FLACC1: variants seen among roughly 807,000 people sequenced by gnomAD.
FLACC1 encodes flagellum-associated coiled-coil domain-containing protein 1.
FLACC1 carries 66 observed loss-of-function variants against 62.8 expected under a neutral mutation model. That is an observed-to-expected ratio of 1.05 (90% CI 0.86 to 1.29). The LOEUF (loss-of-function observed/expected upper bound fraction) is 1.29, where lower values mean the gene tolerates loss of function less well. FLACC1 is among the 50% of genes most tolerant of loss of function. The pLI is 0.00. For synonymous variants in FLACC1, 156 were observed against 161.0 expected (o/e 0.97, Z 0.24); for missense variants, 452 against 489.1 (o/e 0.92, Z 0.71).
intron 7 of FLACC1, among the ~76,000 whole-genome samples, chr2:201,335,101 C>T (rs6757783): frequency 0.63 from 95,093 of 151,942 alleles, 30,292 homozygotes; most frequent in South Asian, 0.79. Flanking sequence ...TAGTCTCTTA[C>T]GATCCTTTGT....
intron 7 of FLACC1, among the ~76,000 whole-genome samples, chr2:201,331,100 T>C (rs912974886): frequency 4.6e-5 from 7 of 151,866 alleles, no homozygotes; most frequent in Non-Finnish European, 1.0e-4. Context: ...TCCCAAGTAG[T>C]TGGGAACACA....
chr2:201,302,894 C>T (rs1397828196), intron 11 of FLACC1, among the ~76,000 whole-genome samples: 5 of 152,196 alleles, frequency 3.3e-5, no homozygotes, highest in Admixed American at 1.3e-4. Flanking sequence ...AGAACAAAGA[C>T]ACAACATACC....
At chr2:201,353,629 C>G (rs1310946319) in intron 1 of FLACC1, among the ~76,000 whole-genome samples, 2 of 151,910 alleles carry the variant, frequency 1.3e-5, no homozygotes, top group South Asian at 4.2e-4. Context: ...ACTCTGTCAC[C>G]CAGGCTGGAG....
chr2:201,327,635 G>A (rs1320445620), intron 9 of FLACC1, among the ~76,000 whole-genome samples: 1 of 152,114 alleles, frequency 6.6e-6, no homozygotes, highest in Non-Finnish European at 1.5e-5. Context: ...TGCAAGAATG[G>A]TCATTATTAA....
chr2:201,305,522 G>A (rs573985314), intron 11 of FLACC1, among the ~76,000 whole-genome samples: 1 of 152,352 alleles, frequency 6.6e-6, no homozygotes, highest in East Asian at 1.9e-4. Flanking sequence ...GGAAGACAGT[G>A]TGGCGATTCC....
chr2:201,330,043 T>A (rs1436656159), intron 9 of FLACC1, among the ~76,000 whole-genome samples: 1 of 152,112 alleles, frequency 6.6e-6, no homozygotes, highest in East Asian at 1.9e-4. Context: ...TAGGATAATA[T>A]CAAGTCATTA....
Position 201,288,355 on chromosome 2 carries a change from T to G in FLACC1, c.*300A>C, listed in dbSNP as rs1035142. The G allele has an allele frequency of 0.56, 131,914 of 236,020 alleles. 38,242 individuals carry two copies. Among genetic ancestry groups the G allele is most frequent in the East Asian group, 0.67 (7,862 of 11,776 alleles). The allele number at this position is 236,020 out of a possible 1,614,324, so 14.6% of individuals were successfully genotyped here. A position where few individuals can be genotyped will look rare whatever the true frequency, so the allele number is the denominator to read the frequency against. ...TCCCAAATATAGTAAAAGTTCAATA[T>G]GAAGAAGGCCTTCAAATCAGTTTCT... is the stretch of plus-strand genomic sequence containing the variant. On this transcript the variant is annotated 3_prime_UTR_variant, in exon 15 of 15. Coordinates refer to ENST00000392257, the MANE Select transcript of FLACC1 (RefSeq NM_001127391.3).
At chr2:201,303,415 C>T (rs552866880) in intron 11 of FLACC1, among the ~76,000 whole-genome samples, 27 of 152,172 alleles carry the variant, frequency 1.8e-4, no homozygotes, top group Admixed American at 3.3e-4. Flanking sequence ...CAATAACAGG[C>T]TCTGAAATTG....
At chr2:201,316,067 G>C (rs1332716542) in intron 9 of FLACC1, among the ~76,000 whole-genome samples, 1 of 152,028 alleles carries the variant, frequency 6.6e-6, no homozygotes, top group Non-Finnish European at 1.5e-5. Flanking sequence ...GTGCAAAGAG[G>C]AAAGCTAAAA....
At chr2:201,353,314 G>A (rs962282904) in intron 1 of FLACC1, among the ~76,000 whole-genome samples, 1 of 152,206 alleles carries the variant, frequency 6.6e-6, no homozygotes, top group African/African-American at 2.4e-5. Flanking sequence ...GGAAGAATGA[G>A]TGGAATGGGG....
intron 9 of FLACC1, among the ~76,000 whole-genome samples, chr2:201,314,531 G>A (rs890031111): frequency 2.6e-5 from 4 of 152,168 alleles, no homozygotes; most frequent in African/African-American, 9.6e-5. Flanking sequence ...CCTCCAAGGA[G>A]TCTGGGATGT....
At chr2:201,289,009 A>G (rs986815409) in intron 14 of FLACC1, among the ~76,000 whole-genome samples, 2 of 152,204 alleles carry the variant, frequency 1.3e-5, no homozygotes, top group African/African-American at 4.8e-5. Context: ...TCTTCTATTA[A>G]AGTATTGACC....
rs1284596811 is a variant in FLACC1 at position 201,288,451 on chromosome 2, A to C, written c.*204T>G. ...AGAGAAAGCTCAGCTCCCAGTATGG[A>C]GAGCATCATTTTTCAGTGAAGAGTC... On this transcript the variant is annotated 3_prime_UTR_variant, in exon 15 of 15. Transcript: ENST00000392257. 3.9e-6 allele frequency: 2 copies of C among 514,610 alleles called. No individual in the cohort carries two copies. Among genetic ancestry groups the C allele is most frequent in the East Asian group, 6.3e-5 (2 of 31,668 alleles). 31.9% of individuals were successfully genotyped at this position (514,610 alleles called of 1,614,324 possible).
At chr2:201,289,318 A>T in intron 14 of FLACC1, 139 bp downstream of exon 14, 1 of 718,036 alleles carries the variant, frequency 1.4e-6, no homozygotes, top group Non-Finnish European at 2.3e-6. Flanking sequence ...GCCTAGAGTG[A>T]CATACCTCCC....
chr2:201,288,485 G>C lies in FLACC1; in HGVS notation c.*170C>G. The C allele has an allele frequency of 1.4e-6, 1 of 732,842 alleles. No homozygotes were observed. The highest frequency in any genetic ancestry group is 2.1e-6 in the Non-Finnish European group (1 of 474,208). The allele number at this position is 732,842 out of a possible 1,614,324, so 45.4% of individuals were successfully genotyped here. A position where few individuals can be genotyped will look rare whatever the true frequency, so the allele number is the denominator to read the frequency against. ...TTTTTCAGTGAAGAGTCCGTGATAA[G>C]CTGTGAAATTCAGATGCGAATTCAA... On this transcript the variant is annotated 3_prime_UTR_variant, in exon 15 of 15. Coordinates refer to ENST00000392257, the MANE Select transcript of FLACC1 (RefSeq NM_001127391.3).
intron 7 of FLACC1, among the ~76,000 whole-genome samples, chr2:201,332,040 T>C (rs1046941591): frequency 1.3e-5 from 2 of 152,134 alleles, no homozygotes; most frequent in African/African-American, 2.4e-5. Context: ...AAAAATAAAG[T>C]TTATAAATAA....
chr2:201,306,445 G>A (rs1950109095), intron 11 of FLACC1, among the ~76,000 whole-genome samples: 1 of 152,104 alleles, frequency 6.6e-6, no homozygotes, highest in South Asian at 2.1e-4. Flanking sequence ...ATGGGGAAAG[G>A]AAAGTATTTT....
At chr2:201,363,265 A>G in the FLACC1 span, among the ~76,000 whole-genome samples, 16 of 149,964 alleles carry the variant, frequency 1.1e-4, no homozygotes, top group Non-Finnish European at 1.9e-4. Context: ...GAGTTGTCCT[A>G]CCTTTCCTGT....
intron 9 of FLACC1, among the ~76,000 whole-genome samples, chr2:201,314,430 C>T (rs1273168956): frequency 6.6e-6 from 1 of 152,020 alleles, no homozygotes; most frequent in Non-Finnish European, 1.5e-5. Context: ...TGAGCAAGCA[C>T]AAGAAAGAAC....
Sources: gnomAD v4.1 joint callset for allele counts (sites outside exome capture counted in the v4.1 genomes callset) on GRCh38, gnomAD v4.1.1 for gene constraint, MANE v1.5 for transcripts, NCBI Gene and HGNC (gene_info 2026-07-23, HGNC 2026-07-21) for gene names.